MSH4: variants seen among roughly 807,000 people sequenced by gnomAD.
MSH4 encodes the protein mutS protein homolog 4.
In MSH4, 106 loss-of-function variants were observed where a neutral mutation model predicts 113.7. The ratio of observed to expected loss-of-function variants is 0.93; its 90% confidence interval spans 0.80 to 1.10. The LOEUF is 1.10. Among genes scored for constraint, MSH4 ranks in the 50% least tolerant of loss-of-function variants. The probability of loss-of-function intolerance (pLI) is 0.00; values close to 1 mark genes in which losing one functional copy is unlikely to be tolerated. For missense variants in MSH4, 1,061 were observed against 1,093.7 expected (o/e 0.97, Z 0.42); for synonymous variants, 368 against 380.2 (o/e 0.97, Z 0.37).
intron 7 of MSH4, among the ~76,000 whole-genome samples, chr1:75,835,308 A>G (rs911881999): frequency 2.0e-5 from 3 of 152,146 alleles, no homozygotes; most frequent in African/African-American, 7.2e-5. Flanking sequence ...TTTTTTAAAT[A>G]TGTATATTCC....
Position 75,897,925 on chromosome 1 carries a change from A to G in MSH4, c.2374A>G (p.Thr792Ala), listed in dbSNP as rs557796016. The G allele has an allele frequency of 7.0e-6, 11 of 1,568,548 alleles. No homozygotes were observed. In the East Asian group the frequency reaches 2.3e-4, roughly 33 times the overall value. The change falls in exon 18 of 20, where the codon ACA becomes GCA. Residue 792 changes from threonine (T) to alanine (A), a missense_variant. Physicochemically the swap from Thr to Ala is moderately conservative, Grantham distance 58. Coordinates refer to ENST00000263187, the MANE Select transcript of MSH4 (RefSeq NM_002440.4). ...LSLKAFTLFA[T>A]HFLELCHIDA... The stretch of plus-strand genomic sequence containing the variant: ...ATTCCAGGCATTTACACTGTTTGCT[A>G]CACATTTCCTGGAACTATGCCATAT...
chr1:75,853,570 G>A (rs1651245046), intron 8 of MSH4, among the ~76,000 whole-genome samples: 1 of 152,014 alleles, frequency 6.6e-6, no homozygotes, highest in Non-Finnish European at 1.5e-5. Context: ...GTATTTTGTG[G>A]GGAGGTAGCT....
At chr1:75,890,875 T>TAAAGAAGAAAA in intron 17 of MSH4, 51 bp downstream of exon 17, 1 of 1,371,060 alleles carries the variant, frequency 7.3e-7, no homozygotes, top group Non-Finnish European at 1.0e-6. Flanking sequence ...TTATGTATCC[T>TAAAGAAGAAAA]TTTATTATTA....
Position 75,803,815 on chromosome 1 carries a change from G to A in MSH4, c.329G>A (p.Arg110Gln), listed in dbSNP as rs780072763. ...TTTGGTGCAAGCTCATCTTCTGCACGAGATACTAATTATCCTCAAACACTT... is the reference window on the plus strand; with the variant it reads ...TTTGGTGCAAGCTCATCTTCTGCACAAGATACTAATTATCCTCAAACACTT... ...FTFGASSSSARDTNYPQTLKT... is the reference protein window; with the variant it reads ...FTFGASSSSAQDTNYPQTLKT... The change falls in exon 2 of 20, where the codon CGA (arginine) becomes CAA (glutamine). Residue 110 changes from arginine to glutamine, a missense_variant. Arg to Gln is a conservative substitution (Grantham distance 43). Transcript: ENST00000263187. 3.8e-5 allele frequency: 61 copies of A among 1,607,024 alleles called. No homozygotes were observed. The highest frequency in any genetic ancestry group is 9.0e-5 in the East Asian group (4 of 44,346).
intron 19 of MSH4, among the ~76,000 whole-genome samples, chr1:75,912,345 T>C (rs1306743896): frequency 6.6e-6 from 1 of 152,036 alleles, no homozygotes; most frequent in East Asian, 1.9e-4. Context: ...AATGGGAAAG[T>C]GTTTGTAGAG....
chr1:75,878,987 A>T lies in MSH4; in HGVS notation c.1541-5A>T. On this transcript the variant is annotated splice_region_variant and splice_polypyrimidine_tract_variant and intron_variant, in intron 11 of 19. Transcript: ENST00000263187. Reference sequence around the variant, plus strand: ...GTTTTTGTTTTTCTTGTTTCTGGTCACCAGGAATGATATCACAACTTGGAG... The same window carrying T: ...GTTTTTGTTTTTCTTGTTTCTGGTCTCCAGGAATGATATCACAACTTGGAG... 1 of 1,599,668 alleles carries T rather than the reference A, an allele frequency of 6.3e-7. No individual in the cohort carries two copies. Among genetic ancestry groups the T allele is most frequent in the Non-Finnish European group, 8.5e-7 (1 of 1,172,100 alleles).
At position 75,878,262 on chromosome 1, in the gene MSH4, A is replaced by G. The variant is rs1204592438; in HGVS notation, c.1484A>G (p.Asn495Ser). The G allele has an allele frequency of 1.2e-6, 2 of 1,606,880 alleles. No individual in the cohort carries two copies. The highest frequency in any genetic ancestry group is 3.5e-5 in the Admixed American group (2 of 57,682). ...TGCTATGCAGTGAGGTCTAACATAA[A>G]TGAATTTCTTGACATAGCAAGAAGA... Reference protein sequence around the residue: ...QKCYAVRSNINEFLDIARRTY... With the variant: ...QKCYAVRSNISEFLDIARRTY... The change falls in exon 11 of 20, where the codon AAT becomes AGT. Residue 495 changes from asparagine (N) to serine (S), a missense_variant. Coordinates refer to ENST00000263187, the MANE Select transcript of MSH4 (RefSeq NM_002440.4).
intron 8 of MSH4, among the ~76,000 whole-genome samples, chr1:75,849,036 A>G (rs1570965898): frequency 6.6e-6 from 1 of 152,130 alleles, no homozygotes; most frequent in East Asian, 1.9e-4. Context: ...GGTTCAAGTG[A>G]TTCTCTTGCC....
chr1:75,839,762 C>A (rs1318065611), intron 7 of MSH4, among the ~76,000 whole-genome samples: 1 of 147,596 alleles, frequency 6.8e-6, no homozygotes, highest in African/African-American at 2.5e-5. Context: ...TTTTTGCAAC[C>A]TACTCATCTG....
At chr1:75,819,073 G>GT (rs796263925) in intron 6 of MSH4, among the ~76,000 whole-genome samples, 19 of 151,538 alleles carry the variant, frequency 1.3e-4, no homozygotes, top group Admixed American at 1.1e-3. Context: ...GCCTGTTTTT[G>GT]TTTTTTTTAG....
At chr1:75,882,663 TAAAAAAAAAAAAA>T (rs35936506) in intron 14 of MSH4, among the ~76,000 whole-genome samples, 1 of 123,814 alleles carries the variant, frequency 8.1e-6, no homozygotes, top group Non-Finnish European at 1.6e-5. Context: ...ACCTCATTTC[TAAAAAAAAAAAAA>T]AAAAAAAAAA....
intron 8 of MSH4, among the ~76,000 whole-genome samples, chr1:75,866,058 C>T (rs1364222182): frequency 5.3e-5 from 8 of 152,144 alleles, no homozygotes; most frequent in South Asian, 2.1e-4. Context: ...TCTGTTTTTA[C>T]GTCAATACCA....
chr1:75,873,065 C>T (rs1229101235), intron 9 of MSH4, among the ~76,000 whole-genome samples: 2 of 152,180 alleles, frequency 1.3e-5, no homozygotes, highest in Non-Finnish European at 2.9e-5. Context: ...ATAGGTAAAA[C>T]CTTGTGTCTT....
At chr1:75,840,686 T>A (rs201154339) in intron 7 of MSH4, among the ~76,000 whole-genome samples, 2 of 86,376 alleles carry the variant, frequency 2.3e-5, no homozygotes, top group Non-Finnish European at 6.2e-5. Context: ...AAATAAAAAA[T>A]AAAATAAAAT....
At chr1:75,907,803 G>A (rs948937037) in intron 19 of MSH4, among the ~76,000 whole-genome samples, 3 of 144,386 alleles carry the variant, frequency 2.1e-5, no homozygotes, top group East Asian at 2.0e-4. Flanking sequence ...TGCAACCTCC[G>A]CTTCTTGGAT....
At chr1:75,852,629 G>A (rs527835874) in intron 8 of MSH4, among the ~76,000 whole-genome samples, 2 of 152,226 alleles carry the variant, frequency 1.3e-5, no homozygotes, top group Admixed American at 6.5e-5. Flanking sequence ...ACAATGTCGA[G>A]CATCTTTTTA....
At chr1:75,870,164 G>A (rs187403416) in intron 9 of MSH4, among the ~76,000 whole-genome samples, 13 of 152,278 alleles carry the variant, frequency 8.5e-5, no homozygotes, top group Middle Eastern at 3.4e-3. Context: ...TTGGACTTGC[G>A]TGGGGCCTGT....
At chr1:75,877,528 G>A (rs979009217) in intron 10 of MSH4, among the ~76,000 whole-genome samples, 5 of 152,232 alleles carry the variant, frequency 3.3e-5, no homozygotes, top group South Asian at 2.1e-4. Flanking sequence ...GATTTATCCC[G>A]TGTGAGGCCA....
intron 19 of MSH4, among the ~76,000 whole-genome samples, chr1:75,903,211 A>C (rs1428720336): frequency 6.6e-6 from 1 of 151,978 alleles, no homozygotes; most frequent in Admixed American, 6.6e-5. Context: ...CATTTTGATT[A>C]GATTTTTATA....
Sources: allele counts gnomAD v4.1 joint callset (sites outside exome capture counted in the v4.1 genomes callset), GRCh38; gene constraint gnomAD v4.1.1; transcripts MANE v1.5; gene names NCBI Gene and HGNC (gene_info 2026-07-23, HGNC 2026-07-21).